TMEM178B: variants seen among roughly 807,000 people sequenced by gnomAD.
TMEM178B encodes transmembrane protein 178B.
Under a neutral mutation model 31.0 loss-of-function variants are expected in TMEM178B, and 5 were observed. That is an observed-to-expected ratio of 0.16 (90% CI 0.08 to 0.34). The LOEUF is 0.34. TMEM178B is among the 10% of genes least tolerant of loss of function. The probability of loss-of-function intolerance (pLI) is 1.00; values close to 1 mark genes in which losing one functional copy is unlikely to be tolerated. For missense variants in TMEM178B, 275 were observed against 400.3 expected, an observed-to-expected ratio of 0.69 and a Z score of 2.67; for synonymous variants, 164 against 164.0, an observed-to-expected ratio of 1.00 and a Z score of 0.00.
chr7:141,102,004 A>G (rs1795067467), intron 1 of TMEM178B, among the ~76,000 whole-genome samples: 1 of 150,234 alleles, frequency 6.7e-6, no homozygotes, highest in Admixed American at 6.7e-5. Flanking sequence ...TTTTTTCAGT[A>G]GGTTTGATTA....
chr7:141,426,201 C>T (rs773186920), intron 2 of TMEM178B, among the ~76,000 whole-genome samples: 1 of 152,206 alleles, frequency 6.6e-6, no homozygotes, highest in Admixed American at 6.5e-5. Flanking sequence ...CACTATGCCA[C>T]GGTGCATACA....
Position 141,458,599 on chromosome 7 carries a change from A to T in TMEM178B, c.635-11937A>T, listed in dbSNP as rs565086588. On this transcript the variant is annotated intron_variant, in intron 3 of 3. Transcript: ENST00000565468. ...GGATTGAAGGAGAATGGAGTGGGTGATGGAGATGAAAACAGGAAACATTTT... is the reference window on the plus strand; with the variant it reads ...GGATTGAAGGAGAATGGAGTGGGTGTTGGAGATGAAAACAGGAAACATTTT... 1.4e-4 allele frequency among the ~76,000 whole-genome samples: 21 copies of T among 152,240 alleles called. No homozygotes were observed. In the East Asian group the frequency reaches 4.0e-3, roughly 29 times the overall value.
At chr7:141,140,869 A>G (rs1795757380) in intron 1 of TMEM178B, among the ~76,000 whole-genome samples, 1 of 152,196 alleles carries the variant, frequency 6.6e-6, no homozygotes, top group Non-Finnish European at 1.5e-5. Flanking sequence ...GGTGCATGCT[A>G]TCAATGTGAT....
intron 1 of TMEM178B, among the ~76,000 whole-genome samples, chr7:141,183,252 A>G (rs1796558904): frequency 6.6e-6 from 1 of 152,144 alleles, no homozygotes. Flanking sequence ...GTGGGAGGGA[A>G]CAGCTTGTGA....
chr7:141,404,615 A>C (rs1800848421), intron 2 of TMEM178B, among the ~76,000 whole-genome samples: 1 of 152,086 alleles, frequency 6.6e-6, no homozygotes, highest in South Asian at 2.1e-4. Flanking sequence ...CCCACCCTGG[A>C]TCCCGGACGA....
intron 2 of TMEM178B, among the ~76,000 whole-genome samples, chr7:141,402,769 G>A (rs970846259): frequency 6.6e-6 from 1 of 152,250 alleles, no homozygotes; most frequent in African/African-American, 2.4e-5. Flanking sequence ...GGCACTCCAA[G>A]GTGAGGCCTG....
At chr7:141,217,777 C>T (rs144824317) in intron 2 of TMEM178B, among the ~76,000 whole-genome samples, 13 of 152,156 alleles carry the variant, frequency 8.5e-5, no homozygotes, top group South Asian at 4.2e-4. Context: ...CTCACTGTGA[C>T]GTGAGCTCAG....
intron 2 of TMEM178B, among the ~76,000 whole-genome samples, chr7:141,249,656 G>T (rs1409366901): frequency 2.6e-5 from 1 of 38,642 alleles, no homozygotes; most frequent in Non-Finnish European, 6.6e-5. Context: ...GAGAAAAGGG[G>T]CTCATGTGCC....
intron 2 of TMEM178B, among the ~76,000 whole-genome samples, chr7:141,292,852 G>T (rs1262586375): frequency 1.3e-5 from 2 of 151,916 alleles, no homozygotes; most frequent in Non-Finnish European, 2.9e-5. Flanking sequence ...TGGCCAGGCT[G>T]GTCTCAAACT....
At chr7:141,482,916 G>A (rs150905771), downstream of TMEM178B, among the ~76,000 whole-genome samples, 1,434 of 150,702 alleles carry the variant, frequency 9.5e-3, 14 homozygotes, top group African/African-American at 0.033. Flanking sequence ...GTGTGTTTGC[G>A]GGGGGCGGTG....
At chr7:141,274,542 C>T (rs1211492552) in intron 2 of TMEM178B, among the ~76,000 whole-genome samples, 1 of 152,194 alleles carries the variant, frequency 6.6e-6, no homozygotes, top group Admixed American at 6.5e-5. Context: ...AGAAGGCCCA[C>T]CCCCTTCTTT....
intron 1 of TMEM178B, among the ~76,000 whole-genome samples, chr7:141,165,094 T>C (rs762520457): frequency 6.6e-5 from 10 of 152,284 alleles, no homozygotes; most frequent in Non-Finnish European, 1.5e-4. Flanking sequence ...TACAAAACCA[T>C]GGTACAGCTT....
At chr7:141,241,110 C>T (rs1563128452) in intron 2 of TMEM178B, among the ~76,000 whole-genome samples, 2 of 150,348 alleles carry the variant, frequency 1.3e-5, no homozygotes, top group Non-Finnish European at 2.9e-5. Context: ...GTGCACCCGT[C>T]ACCCGAGTAG....
chr7:141,201,700 G>A (rs182434356), intron 1 of TMEM178B, among the ~76,000 whole-genome samples: 46 of 152,306 alleles, frequency 3.0e-4, no homozygotes, highest in Admixed American at 9.8e-4. Flanking sequence ...TAAGACGTCA[G>A]ATGCGGGCTA....
intron 1 of TMEM178B, among the ~76,000 whole-genome samples, chr7:141,158,569 T>C (rs1253767309): frequency 1.3e-5 from 2 of 152,196 alleles, no homozygotes; most frequent in Non-Finnish European, 2.9e-5. Context: ...ATCCTTTATC[T>C]ATAAATGTGG....
intron 1 of TMEM178B, among the ~76,000 whole-genome samples, chr7:141,209,745 G>A (rs1047064829): frequency 6.6e-6 from 1 of 152,170 alleles, no homozygotes; most frequent in Admixed American, 6.5e-5. Context: ...CTAGATGCAA[G>A]GAAGGCTTTG....
chr7:141,106,644 A>AC (rs1471693146), intron 1 of TMEM178B, among the ~76,000 whole-genome samples: 3 of 152,200 alleles, frequency 2.0e-5, no homozygotes, highest in African/African-American at 7.2e-5. Context: ...AATTTGATAA[A>AC]CACATTTGTG....
At chr7:141,449,179 T>A (rs1225513816) in intron 3 of TMEM178B, among the ~76,000 whole-genome samples, 1 of 152,160 alleles carries the variant, frequency 6.6e-6, no homozygotes, top group African/African-American at 2.4e-5. Context: ...GAAAGGGAAG[T>A]TGTCAGGCAA....
At chr7:141,225,515 C>G (rs1586835912) in intron 2 of TMEM178B, among the ~76,000 whole-genome samples, 1 of 152,104 alleles carries the variant, frequency 6.6e-6, no homozygotes, top group African/African-American at 2.4e-5. Flanking sequence ...TAGCTAGAAA[C>G]CCAGTCATCA....
Sources: gnomAD v4.1 joint callset for allele counts (sites outside exome capture counted in the v4.1 genomes callset) on GRCh38, gnomAD v4.1.1 for gene constraint, MANE v1.5 for transcripts, NCBI Gene and HGNC (gene_info 2026-07-23, HGNC 2026-07-21) for gene names.